The following BLMH variants were observed in gnomAD, a reference collection of about 807,000 sequenced individuals.
BLMH encodes bleomycin hydrolase.
BLMH carries 32 observed loss-of-function variants against 61.6 expected under a neutral mutation model. That is an observed-to-expected ratio of 0.52 (90% confidence interval 0.39 to 0.70). The LOEUF is 0.70. Ranked by LOEUF, BLMH falls within the 30% of genes least tolerant of loss-of-function variation. The pLI, the probability that BLMH is intolerant of heterozygous loss-of-function variation, is 0.00. For missense variants in BLMH, 460 were observed against 555.5 expected (o/e 0.83, Z 1.73); for synonymous variants, 183 against 193.8 (o/e 0.94, Z 0.46).
intron 3 of BLMH, among the ~76,000 whole-genome samples, chr17:30,288,900 G>A (rs995760780): frequency 3.3e-5 from 5 of 152,162 alleles, no homozygotes; most frequent in Non-Finnish European, 5.9e-5. Flanking sequence ...CCAGGAGGCA[G>A]AGGTTACAGT....
At chr17:30,271,898 C>T (rs1289627770) in intron 9 of BLMH, among the ~76,000 whole-genome samples, 1 of 152,164 alleles carries the variant, frequency 6.6e-6, no homozygotes, top group Non-Finnish European at 1.5e-5. Context: ...GAGGTCCTTG[C>T]ATGTTCTAGT....
chr17:30,273,848 G>A, intron 7 of BLMH, 194 bp downstream of exon 7: 1 of 660,280 alleles, frequency 1.5e-6, no homozygotes, highest in South Asian at 2.0e-5. Context: ...GAGGAACATT[G>A]TGGAAAAGCT....
At chr17:30,288,688 G>T (rs148755193) in intron 3 of BLMH, among the ~76,000 whole-genome samples, 2 of 152,158 alleles carry the variant, frequency 1.3e-5, no homozygotes. Flanking sequence ...AATATGGCCA[G>T]GAGTGGTGGC....
Position 30,272,544 on chromosome 17 carries a change from A to T in BLMH, c.1028+17T>A, listed in dbSNP as rs776762780. ...CAACCCACAAATGACTTTCCATTTT[A>T]AATTTCCTGCACTCACAGATTCATG... On this transcript the variant is annotated intron_variant, in intron 9 of 11. Transcript: ENST00000261714. The T allele has an allele frequency of 5.6e-6, 9 of 1,613,912 alleles. No homozygotes were observed. The highest frequency in any genetic ancestry group is 5.9e-6 in the Non-Finnish European group (7 of 1,179,768).
At chr17:30,250,344 AC>A (rs1907638192) in intron 11 of BLMH, 2 of 152,194 alleles carry the variant, frequency 1.3e-5, no homozygotes, top group Non-Finnish European at 2.9e-5. Flanking sequence ...AAGGACTAAC[AC>A]CCAGAGTCTA....
At chr17:30,290,940 A>G in intron 2 of BLMH, 1 of 218,804 alleles carries the variant, frequency 4.6e-6, no homozygotes, top group Middle Eastern at 1.7e-3. Flanking sequence ...TAGGGCCTTC[A>G]GGGCATTTCT....
intron 3 of BLMH, 80 bp downstream of exon 3, chr17:30,289,293 G>A (rs2143056600): frequency 1.2e-6 from 1 of 842,838 alleles, no homozygotes; most frequent in East Asian, 2.9e-5. Context: ...GGCTATAACT[G>A]GAAAAGCTAC....
At chr17:30,281,066 GTTTTT>G (rs537927465) in intron 6 of BLMH, among the ~76,000 whole-genome samples, 232 of 130,722 alleles carry the variant, frequency 1.8e-3, no homozygotes, top group Non-Finnish European at 2.8e-3. Context: ...AAAGATCTGT[GTTTTT>G]TTTTTTGTTG....
chr17:30,272,674 T>C, intron 8 of BLMH, 46 bp from the exon 9 acceptor site: 1 of 1,614,062 alleles, frequency 6.2e-7, no homozygotes. Flanking sequence ...AACCCCATCT[T>C]CCTATTATAC....
chr17:30,283,518 C>CTTTTTT (rs531841262), intron 6 of BLMH, among the ~76,000 whole-genome samples: 3 of 127,044 alleles, frequency 2.4e-5, no homozygotes, highest in Non-Finnish European at 4.9e-5. Flanking sequence ...ATACCTCCAT[C>CTTTTTT]TTTTTTTTTT....
intron 11 of BLMH, among the ~76,000 whole-genome samples, chr17:30,258,323 A>G (rs907664554): frequency 6.6e-6 from 1 of 152,110 alleles, no homozygotes; most frequent in Non-Finnish European, 1.5e-5. Flanking sequence ...TCCTCCAGAG[A>G]AAACATAGAA....
Position 30,286,802 on chromosome 17 carries a change from C to T in BLMH, c.552+12G>A. On this transcript the variant is annotated intron_variant, in intron 5 of 11. Transcript: ENST00000261714. ...CACTAAACTCAATCCCACCCTGCTT[C>T]ATATATTGTACCTTGTGATTCAGAA... The T allele has an allele frequency of 6.4e-7, 1 of 1,553,786 alleles. No individual in the cohort carries two copies. The highest frequency in any genetic ancestry group is 1.1e-5 in the South Asian group (1 of 89,086).
intron 6 of BLMH, among the ~76,000 whole-genome samples, chr17:30,276,699 TTTC>T (rs1377881424): frequency 3.3e-5 from 5 of 152,236 alleles, no homozygotes; most frequent in Admixed American, 6.5e-5. Flanking sequence ...CTAATTCCTT[TTTC>T]TTACTTTTTA....
At chr17:30,290,970 T>C (rs1032976193) in intron 2 of BLMH, 2 of 261,576 alleles carry the variant, frequency 7.6e-6, no homozygotes, top group Middle Eastern at 1.2e-3. Flanking sequence ...TCCAAAGATA[T>C]GAACATTTTC....
At chr17:30,271,778 C>T (rs1239945083) in intron 9 of BLMH, among the ~76,000 whole-genome samples, 1 of 152,058 alleles carries the variant, frequency 6.6e-6, no homozygotes, top group Non-Finnish European at 1.5e-5. Flanking sequence ...TAAATCACTG[C>T]TGATTAAAAT....
At chr17:30,270,320 CA>C (rs992316977) in intron 10 of BLMH, among the ~76,000 whole-genome samples, 5 of 151,986 alleles carry the variant, frequency 3.3e-5, no homozygotes, top group African/African-American at 9.7e-5. Context: ...GCCAACATGG[CA>C]AAACCCCACT....
intron 11 of BLMH, among the ~76,000 whole-genome samples, chr17:30,266,020 T>C (rs184067199): frequency 1.3e-5 from 2 of 152,314 alleles, no homozygotes; most frequent in Non-Finnish European, 2.9e-5. Context: ...ACTGTGTTAT[T>C]TTGTTTAGTC....
intron 6 of BLMH, among the ~76,000 whole-genome samples, chr17:30,278,589 T>G (rs2143025268): frequency 6.6e-6 from 1 of 152,354 alleles, no homozygotes; most frequent in African/African-American, 2.4e-5. Flanking sequence ...TTCTTTTCTG[T>G]GTTGTTCACT....
At chr17:30,258,019 G>A (rs1037218949) in intron 11 of BLMH, among the ~76,000 whole-genome samples, 8 of 152,024 alleles carry the variant, frequency 5.3e-5, no homozygotes, top group African/African-American at 7.2e-5. Context: ...ATTTTTTAGA[G>A]ATGGAGTCTC....
Sources: gnomAD v4.1 joint callset for allele counts (sites outside exome capture counted in the v4.1 genomes callset) on GRCh38, gnomAD v4.1.1 for gene constraint, MANE v1.5 for transcripts, NCBI Gene and HGNC (gene_info 2026-07-23, HGNC 2026-07-21) for gene names.